The following SEMA6D variants were observed in gnomAD, a reference collection of about 807,000 sequenced individuals.
The protein encoded by SEMA6D is semaphorin 6D.
Under a neutral mutation model 106.6 loss-of-function variants are expected in SEMA6D, and 35 were observed. That is an observed-to-expected ratio of 0.33 (90% CI 0.25 to 0.44). SEMA6D has a LOEUF of 0.44. Ranked by LOEUF, SEMA6D falls within the 20% of genes least tolerant of loss-of-function variation. The pLI is 1.00. For synonymous variants in SEMA6D, 499 were observed against 487.7 expected (o/e 1.02, Z -0.31); for missense variants, 1,185 against 1,345.9 (o/e 0.88, Z 1.87).
At chr15:47,445,466 T>C (rs556187466) in intron 2 of SEMA6D, among the ~76,000 whole-genome samples, 1 of 152,160 alleles carries the variant, frequency 6.6e-6, no homozygotes, top group Admixed American at 6.5e-5. Context: ...ACCACAGTAA[T>C]ACAGCAACTC....
chr15:47,555,252 A>G (rs1327917877), intron 3 of SEMA6D, among the ~76,000 whole-genome samples: 3 of 152,048 alleles, frequency 2.0e-5, no homozygotes, highest in Admixed American at 6.6e-5. Flanking sequence ...GCTCTCTCCC[A>G]ACCCCAGAAA....
At chr15:47,430,459 T>C (rs1390873) in intron 2 of SEMA6D, among the ~76,000 whole-genome samples, 75,741 of 151,484 alleles carry the variant, frequency 0.5, 19,632 homozygotes, top group South Asian at 0.62. Flanking sequence ...GAAAAATAAT[T>C]GTGCTTCCTC....
At chr15:47,493,854 G>T (rs1383317365) in intron 3 of SEMA6D, among the ~76,000 whole-genome samples, 2 of 152,086 alleles carry the variant, frequency 1.3e-5, no homozygotes, top group African/African-American at 4.8e-5. Flanking sequence ...CTTTCTGTTG[G>T]AAAGTGCATT....
intron 3 of SEMA6D, among the ~76,000 whole-genome samples, chr15:47,586,651 A>G (rs16959718): frequency 0.019 from 2,883 of 152,206 alleles, 95 homozygotes; most frequent in African/African-American, 0.066. Context: ...GCATTTTACA[A>G]TGGAGTTCTA....
chr15:47,557,393 C>G (rs1379772316), intron 3 of SEMA6D, among the ~76,000 whole-genome samples: 1 of 152,188 alleles, frequency 6.6e-6, no homozygotes, highest in Admixed American at 6.5e-5. Flanking sequence ...TGCTCTTAAA[C>G]ATCAACACTT....
chr15:47,595,968 T>G (rs2076528250), intron 3 of SEMA6D, among the ~76,000 whole-genome samples: 1 of 151,930 alleles, frequency 6.6e-6, no homozygotes, highest in African/African-American at 2.4e-5. Flanking sequence ...GAGAAAGAAA[T>G]AAAAGGCATC....
intron 4 of SEMA6D, among the ~76,000 whole-genome samples, chr15:47,608,638 C>T (rs1190089716): frequency 6.6e-6 from 1 of 152,002 alleles, no homozygotes; most frequent in Admixed American, 6.6e-5. Context: ...CATATATATG[C>T]CATTACCTAT....
intron 1 of SEMA6D, among the ~76,000 whole-genome samples, chr15:47,193,414 C>G (rs1013438302): frequency 6.6e-6 from 1 of 152,096 alleles, no homozygotes; most frequent in Non-Finnish European, 1.5e-5. Context: ...ACTTGTAAGT[C>G]TACTGCAAAT....
chr15:47,482,541 T>C (rs2043181802), intron 3 of SEMA6D, among the ~76,000 whole-genome samples: 1 of 152,122 alleles, frequency 6.6e-6, no homozygotes, highest in South Asian at 2.1e-4. Flanking sequence ...ACAAGGGCCA[T>C]TATGTACCAG....
intron 3 of SEMA6D, among the ~76,000 whole-genome samples, chr15:47,496,784 TGTCTC>T: frequency 6.6e-6 from 1 of 152,176 alleles, no homozygotes; most frequent in East Asian, 1.9e-4. Context: ...GATTCAAGGA[TGTCTC>T]ACCTACTTGA....
chr15:47,579,012 G>A (rs563720532), intron 3 of SEMA6D, among the ~76,000 whole-genome samples: 10 of 152,200 alleles, frequency 6.6e-5, no homozygotes, highest in African/African-American at 2.4e-4. Context: ...GGAAACTACT[G>A]GTCAGAGCAT....
chr15:47,624,406 C>G (rs1269054568), intron 4 of SEMA6D, among the ~76,000 whole-genome samples: 2 of 152,194 alleles, frequency 1.3e-5, no homozygotes, highest in African/African-American at 4.8e-5. Context: ...CAAACACTTT[C>G]TGGTAGGACT....
rs191204923 is a variant in SEMA6D, at chr15:47,700,096, G to A, written c.-54-59649G>A. 1.7e-3 allele frequency among the ~76,000 whole-genome samples: 264 copies of A among 151,688 alleles called. 1 individual carries two copies. The highest frequency in any genetic ancestry group is 5.8e-3 in the African/African-American group (241 of 41,240). ...CAACATAGGTACAAGATTTATTTGA[G>A]GAAAACTACACAACTTTATTGAAAT... On this transcript the variant is annotated intron_variant, in intron 4 of 19. Transcript: ENST00000558014.
chr15:47,701,409 TTAGA>T (rs1596679912), intron 4 of SEMA6D, among the ~76,000 whole-genome samples: 1 of 152,106 alleles, frequency 6.6e-6, no homozygotes, highest in Non-Finnish European at 1.5e-5. Context: ...AAAATTTCAG[TTAGA>T]TAGGAGGAAT....
chr15:47,525,954 G>A (rs2044741840), intron 3 of SEMA6D, among the ~76,000 whole-genome samples: 1 of 152,116 alleles, frequency 6.6e-6, no homozygotes, highest in African/African-American at 2.4e-5. Flanking sequence ...AAGGGGGAAG[G>A]CCACCCACTA....
chr15:47,196,065 C>T (rs189121262), intron 1 of SEMA6D, among the ~76,000 whole-genome samples: 142 of 151,702 alleles, frequency 9.4e-4, no homozygotes, highest in African/African-American at 3.4e-3. Flanking sequence ...GGTTAACCAC[C>T]CAAGAAGCAG....
chr15:47,503,463 A>G (rs931478634), intron 3 of SEMA6D, among the ~76,000 whole-genome samples: 3 of 152,210 alleles, frequency 2.0e-5, no homozygotes, highest in Admixed American at 6.5e-5. Flanking sequence ...TTAACCAGCT[A>G]GATGACTATG....
chr15:47,427,497 G>T (rs768665089), intron 2 of SEMA6D, among the ~76,000 whole-genome samples: 4 of 152,026 alleles, frequency 2.6e-5, no homozygotes, highest in Non-Finnish European at 5.9e-5. Flanking sequence ...ATGATTCAGT[G>T]GAAAATTCTT....
intron 1 of SEMA6D, among the ~76,000 whole-genome samples, chr15:47,264,800 T>G (rs1566960389): frequency 6.6e-6 from 1 of 152,096 alleles, no homozygotes; most frequent in East Asian, 1.9e-4. Flanking sequence ...TTGTTATGTA[T>G]TTTTGAAAAA....
Sources: allele counts gnomAD v4.1 joint callset (sites outside exome capture counted in the v4.1 genomes callset), GRCh38; gene constraint gnomAD v4.1.1; transcripts MANE v1.5; gene names NCBI Gene and HGNC (gene_info 2026-07-23, HGNC 2026-07-21).